Variants in PCDH15 observed in about 807,000 individuals in gnomAD.
PCDH15 encodes protocadherin related 15.
A neutral mutation model predicts 178.5 loss-of-function variants in PCDH15; 129 were observed. The observed-to-expected ratio is 0.72, with a 90% CI of 0.63 to 0.84. The LOEUF is 0.84. PCDH15 is among the 40% of genes least tolerant of loss of function. The pLI, the probability that PCDH15 is intolerant of heterozygous loss-of-function variation, is 0.00. For missense variants in PCDH15, 2,230 were observed against 2,099.9 expected, an observed-to-expected ratio of 1.06 and a Z score of -1.21; for synonymous variants, 800 against 732.0, an observed-to-expected ratio of 1.09 and a Z score of -1.50.
chr10:55,586,783 C>A (rs532519980), intron 2 of PCDH15, among the ~76,000 whole-genome samples: 2 of 151,998 alleles, frequency 1.3e-5, no homozygotes, highest in Non-Finnish European at 2.9e-5. Flanking sequence ...TATTTTTGCT[C>A]TTATGACAAG....
intron 5 of PCDH15, among the ~76,000 whole-genome samples, chr10:54,360,947 C>T (rs9416324): frequency 0.11 from 17,453 of 152,072 alleles, 1,788 homozygotes; most frequent in African/African-American, 0.28. Flanking sequence ...TGGGATTTAG[C>T]ATTCTTCATT....
chr10:55,354,810 AGTATTGATTT>A (rs1263269484), intron 2 of PCDH15, among the ~76,000 whole-genome samples: 2 of 152,036 alleles, frequency 1.3e-5, no homozygotes, highest in South Asian at 2.1e-4. Flanking sequence ...TATTAACACA[AGTATTGATTT>A]GTGAATTGTG....
At chr10:55,611,596 G>T (rs1226362010) in intron 2 of PCDH15, among the ~76,000 whole-genome samples, 1 of 151,824 alleles carries the variant, frequency 6.6e-6, no homozygotes, top group African/African-American at 2.4e-5. Context: ...CAGAAGGGAG[G>T]TTTCTCAAAA....
At chr10:54,419,549 A>C (rs886797335) in intron 3 of PCDH15, among the ~76,000 whole-genome samples, 2 of 152,110 alleles carry the variant, frequency 1.3e-5, no homozygotes, top group Non-Finnish European at 2.9e-5. Context: ...TCAAGAACTT[A>C]ATGTGGATTT....
At chr10:55,498,599 A>G (rs1447953770) in intron 2 of PCDH15, among the ~76,000 whole-genome samples, 1 of 151,926 alleles carries the variant, frequency 6.6e-6, no homozygotes, top group Non-Finnish European at 1.5e-5. Context: ...TTGAACAATG[A>G]AAACTGAGTC....
chr10:55,287,102 T>G, intron 1 of PCDH15, among the ~76,000 whole-genome samples: 1 of 151,998 alleles, frequency 6.6e-6, no homozygotes, highest in East Asian at 1.9e-4. Flanking sequence ...TACAATATCT[T>G]AAATATTCAC....
chr10:55,175,517 C>T (rs369050644), intron 1 of PCDH15, among the ~76,000 whole-genome samples: 1 of 151,662 alleles, frequency 6.6e-6, no homozygotes, highest in African/African-American at 2.4e-5. Context: ...ACAAAAATTT[C>T]CCGGGCATGG....
At chr10:54,587,406 C>CTT (rs1283009433) in intron 2 of PCDH15, among the ~76,000 whole-genome samples, 3 of 152,100 alleles carry the variant, frequency 2.0e-5, no homozygotes, top group Non-Finnish European at 4.4e-5. Context: ...ATCTGAGGAA[C>CTT]TTAAGCTTTG....
intron 3 of PCDH15, among the ~76,000 whole-genome samples, chr10:54,497,256 A>AC (rs1322187538): frequency 6.7e-6 from 1 of 150,120 alleles, no homozygotes; most frequent in African/African-American, 2.4e-5. Context: ...AAAAAAAAAA[A>AC]CCCTCAAGGG....
At chr10:55,070,058 T>C (rs1278718398) in intron 2 of PCDH15, among the ~76,000 whole-genome samples, 2 of 151,850 alleles carry the variant, frequency 1.3e-5, no homozygotes, top group Middle Eastern at 3.4e-3. Context: ...ATGTGTTTTT[T>C]GGCTGCATAA....
intron 3 of PCDH15, among the ~76,000 whole-genome samples, chr10:54,823,196 C>T (rs562602202): frequency 2.4e-5 from 3 of 124,826 alleles, no homozygotes; most frequent in African/African-American, 9.3e-5. Flanking sequence ...TTTTTTAAAA[C>T]ACCAGCATAA....
intron 1 of PCDH15, among the ~76,000 whole-genome samples, chr10:55,177,949 T>C (rs949734866): frequency 6.6e-6 from 1 of 152,138 alleles, no homozygotes; most frequent in East Asian, 1.9e-4. Flanking sequence ...GCACACCTCT[T>C]TCTTCGAGCA....
chr10:54,307,908 G>A (rs2060653580), intron 8 of PCDH15, among the ~76,000 whole-genome samples: 1 of 151,850 alleles, frequency 6.6e-6, no homozygotes, highest in Non-Finnish European at 1.5e-5. Flanking sequence ...AATTTCCATT[G>A]CCAATAATAA....
intron 2 of PCDH15, among the ~76,000 whole-genome samples, chr10:55,124,074 G>T (rs1372969634): frequency 6.6e-6 from 1 of 152,072 alleles, no homozygotes; most frequent in African/African-American, 2.4e-5. Flanking sequence ...AACCCCTGAA[G>T]ACACTAATAC....
At chr10:55,133,194 A>G (rs1484726352) in intron 2 of PCDH15, among the ~76,000 whole-genome samples, 7 of 152,172 alleles carry the variant, frequency 4.6e-5, no homozygotes, top group Non-Finnish European at 1.0e-4. Context: ...GAAGTAATAT[A>G]TAGAAAAGCT....
chr10:53,997,659 A>C (rs553123958), intron 20 of PCDH15, among the ~76,000 whole-genome samples: 12 of 152,334 alleles, frequency 7.9e-5, no homozygotes, highest in African/African-American at 2.9e-4. Flanking sequence ...AGCTGTTCAC[A>C]GTGTTGAATA....
chr10:54,646,543 C>G (rs1459945941), intron 2 of PCDH15, among the ~76,000 whole-genome samples: 3 of 151,994 alleles, frequency 2.0e-5, no homozygotes, highest in African/African-American at 7.2e-5. Flanking sequence ...GGGCCCACAT[C>G]ATTGTACTTT....
intron 2 of PCDH15, chr10:55,599,780 C>T: frequency 2.1e-6 from 1 of 472,922 alleles, no homozygotes; most frequent in Non-Finnish European, 3.6e-6. Flanking sequence ...AAAAACATCA[C>T]CCCTAGCATT....
chr10:54,506,423 T>G (rs192876623), intron 3 of PCDH15, among the ~76,000 whole-genome samples: 98 of 152,184 alleles, frequency 6.4e-4, no homozygotes, highest in African/African-American at 2.3e-3. Flanking sequence ...ATGAGTTTTT[T>G]TTTGAGAAAT....
Sources: allele counts gnomAD v4.1 joint callset (sites outside exome capture counted in the v4.1 genomes callset), GRCh38; gene constraint gnomAD v4.1.1; transcripts MANE v1.5; gene names NCBI Gene and HGNC (gene_info 2026-07-23, HGNC 2026-07-21).